GPD2: variants seen among roughly 807,000 people sequenced by gnomAD.
GPD2 encodes glycerol-3-phosphate dehydrogenase, mitochondrial.
In GPD2, 54 loss-of-function variants were observed where a neutral mutation model predicts 82.4. The ratio of observed to expected loss-of-function variants is 0.66; its 90% CI spans 0.53 to 0.82. The LOEUF (loss-of-function observed/expected upper bound fraction) is 0.82. GPD2 is among the 40% of genes least tolerant of loss of function. The pLI is 0.00. For synonymous variants in GPD2, 288 were observed against 306.1 expected (o/e 0.94, Z 0.62); for missense variants, 748 against 896.2 (o/e 0.83, Z 2.11).
At chr2:156,443,060 G>A (rs906085162) in intron 1 of GPD2, among the ~76,000 whole-genome samples, 9 of 152,066 alleles carry the variant, frequency 5.9e-5, no homozygotes, top group African/African-American at 2.2e-4. Flanking sequence ...AAATATAAAA[G>A]TAGGAATTCC....
chr2:156,512,732 T>C (rs1685047884), intron 5 of GPD2, among the ~76,000 whole-genome samples: 1 of 151,926 alleles, frequency 6.6e-6, no homozygotes, highest in Non-Finnish European at 1.5e-5. Context: ...ATGTTACGTG[T>C]CTGAGTTAAC....
intron 1 of GPD2, among the ~76,000 whole-genome samples, chr2:156,454,001 G>A (rs1159507436): frequency 1.3e-5 from 2 of 152,210 alleles, no homozygotes; most frequent in Non-Finnish European, 2.9e-5. Context: ...AGATGACAGC[G>A]AGAAGGGATA....
rs533059535 is a variant in GPD2 at position 156,507,590 on chromosome 2, T to C, written c.275-3206T>C. 1.1e-4 allele frequency among the ~76,000 whole-genome samples: 16 copies of C among 152,262 alleles called. No homozygotes were observed. The South Asian group carries it at 3.3e-3, about 32-fold the overall frequency. On this transcript the variant is annotated intron_variant, in intron 3 of 16. Coordinates refer to ENST00000438166, the MANE Select transcript of GPD2 (RefSeq NM_000408.5). Reference sequence around the variant, plus strand: ...CATCCTCCCGCCTTGGCTTCCAAAGTGCTAGGATTATGTGAGCCACTCACA... The same window carrying C: ...CATCCTCCCGCCTTGGCTTCCAAAGCGCTAGGATTATGTGAGCCACTCACA...
chr2:156,443,307 A>G (rs1281047872), intron 1 of GPD2, among the ~76,000 whole-genome samples: 1 of 152,158 alleles, frequency 6.6e-6, no homozygotes, highest in Non-Finnish European at 1.5e-5. Context: ...TTTCTTTCCT[A>G]TGGAAGATCA....
At chr2:156,426,288 G>C in the GPD2 span, among the ~76,000 whole-genome samples, 147,434 of 152,292 alleles carry the variant, frequency 0.97, 71,554 homozygotes, top group East Asian at 1. Flanking sequence ...CCAGGGAGGC[G>C]GCAGAAAACT....
chr2:156,403,612 GGTGTGTGT>G, the GPD2 span, among the ~76,000 whole-genome samples: 2 of 147,922 alleles, frequency 1.4e-5, no homozygotes, highest in Non-Finnish European at 3.0e-5. Flanking sequence ...GCATTCAAAG[GGTGTGTGT>G]GTGTGTGTGT....
chr2:156,467,766 T>C (rs997035754), intron 1 of GPD2, among the ~76,000 whole-genome samples: 6 of 152,216 alleles, frequency 3.9e-5, no homozygotes, highest in Non-Finnish European at 7.3e-5. Flanking sequence ...GTTTACAGAA[T>C]AGACCTCCTC....
chr2:156,476,859 C>CTTGAAATACT (rs1683532188), intron 2 of GPD2, among the ~76,000 whole-genome samples: 1 of 152,154 alleles, frequency 6.6e-6, no homozygotes, highest in African/African-American at 2.4e-5. Flanking sequence ...GAAATGCTGG[C>CTTGAAATACT]AACCACCGTA....
At chr2:156,482,338 TCTAA>T (rs1369476834) in intron 2 of GPD2, among the ~76,000 whole-genome samples, 1 of 152,248 alleles carries the variant, frequency 6.6e-6, no homozygotes, top group East Asian at 1.9e-4. Context: ...ACTTAACCTC[TCTAA>T]CTGTTATAAT....
At chr2:156,542,901 C>G (rs1383200474) in intron 6 of GPD2, among the ~76,000 whole-genome samples, 5 of 152,026 alleles carry the variant, frequency 3.3e-5, no homozygotes, top group Non-Finnish European at 7.4e-5. Flanking sequence ...TTGATTTTAT[C>G]TGTCTTCCTC....
At chr2:156,442,137 AG>A (rs1264382502) in intron 1 of GPD2, among the ~76,000 whole-genome samples, 10 of 152,166 alleles carry the variant, frequency 6.6e-5, no homozygotes, top group Non-Finnish European at 1.5e-4. Flanking sequence ...CTTCTATAAA[AG>A]GGTTTAATAT....
intron 15 of GPD2, 147 bp from the exon 16 acceptor site, chr2:156,579,543 G>T: frequency 1.6e-6 from 1 of 610,988 alleles, no homozygotes; most frequent in Non-Finnish European, 3.0e-6. Flanking sequence ...TGTTGGCCAG[G>T]CTGGTCTCGA....
At chr2:156,456,177 GA>G (rs2105166012) in intron 1 of GPD2, among the ~76,000 whole-genome samples, 1 of 152,288 alleles carries the variant, frequency 6.6e-6, no homozygotes, top group East Asian at 1.9e-4. Flanking sequence ...GTACACCAAA[GA>G]AATGCAAACA....
At chr2:156,481,759 C>T (rs1427903938) in intron 2 of GPD2, among the ~76,000 whole-genome samples, 4 of 151,874 alleles carry the variant, frequency 2.6e-5, no homozygotes, top group Admixed American at 1.3e-4. Flanking sequence ...GGATCACAGA[C>T]GTGAGTCATT....
intron 13 of GPD2, 141 bp downstream of exon 13, chr2:156,571,433 G>T: frequency 2.1e-6 from 1 of 474,344 alleles, no homozygotes; most frequent in East Asian, 3.2e-5. Context: ...AATATTGTTA[G>T]GCCTTAGGAA....
chr2:156,440,251 C>G (rs772947354), intron 1 of GPD2, among the ~76,000 whole-genome samples: 1 of 152,188 alleles, frequency 6.6e-6, no homozygotes, highest in Non-Finnish European at 1.5e-5. Flanking sequence ...AAGATATGAT[C>G]AAACTCAACT....
chr2:156,576,468 A>T (rs1446908677), intron 13 of GPD2, among the ~76,000 whole-genome samples: 2 of 1,442 alleles, frequency 1.4e-3, no homozygotes, highest in Non-Finnish European at 0.11. Flanking sequence ...AGCTGTGATA[A>T]AAAAAAAAAA....
intron 6 of GPD2, among the ~76,000 whole-genome samples, chr2:156,521,313 T>C (rs979870959): frequency 6.6e-6 from 1 of 152,210 alleles, no homozygotes; most frequent in Non-Finnish European, 1.5e-5. Flanking sequence ...TTCCAAAGTA[T>C]TGTAGGGTCT....
At chr2:156,465,354 T>C (rs948105929) in intron 1 of GPD2, among the ~76,000 whole-genome samples, 2 of 19,336 alleles carry the variant, frequency 1.0e-4, no homozygotes, top group Non-Finnish European at 8.7e-4. Context: ...TCTTTCTTTC[T>C]TTCTTTCTTT....
Sources: gnomAD v4.1 joint callset for allele counts (sites outside exome capture counted in the v4.1 genomes callset) on GRCh38, gnomAD v4.1.1 for gene constraint, MANE v1.5 for transcripts, NCBI Gene and HGNC (gene_info 2026-07-23, HGNC 2026-07-21) for gene names.